Variants in STOX2 observed in about 807,000 individuals in gnomAD.
STOX2 encodes the protein storkhead-box protein 2.
In STOX2, 28 loss-of-function variants were observed where a neutral mutation model predicts 60.9. That is an observed-to-expected ratio of 0.46 (90% confidence interval 0.34 to 0.63). The LOEUF (loss-of-function observed/expected upper bound fraction) is 0.63. STOX2 is among the 30% of genes least tolerant of loss of function. The probability of loss-of-function intolerance (pLI) is 0.01; values close to 1 mark genes in which losing one functional copy is unlikely to be tolerated. For missense variants in STOX2, 1,024 were observed against 1,187.7 expected (o/e 0.86, Z 2.03); for synonymous variants, 472 against 463.9 (o/e 1.02, Z -0.22).
Position 183,906,697 on chromosome 4 carries a change from GCCC to G in STOX2, c.-93_-91del. On this transcript the variant is annotated 5_prime_UTR_variant, in exon 1 of 4. Transcript: ENST00000308497. ...GGCTGGGAAAATGTGCGCAGAGTCC[GCCC>G]GGGTCGTGCCCGCCGTAGACGGATG... The G allele has an allele frequency of 7.5e-7, 1 of 1,335,896 alleles. No individual in the cohort carries two copies. Among genetic ancestry groups the G allele is most frequent in the Admixed American group, 3.0e-5 (1 of 33,526 alleles). The allele number at this position is 1,335,896 out of a possible 1,614,324, so 82.8% of individuals were successfully genotyped here. A position where few individuals can be genotyped will look rare whatever the true frequency, so the allele number is the denominator to read the frequency against.
upstream of STOX2, among the ~76,000 whole-genome samples, chr4:183,905,128 G>A (rs1476309123): frequency 1.3e-5 from 2 of 152,178 alleles, no homozygotes; most frequent in Non-Finnish European, 1.5e-5. Flanking sequence ...TTGAATGAAC[G>A]GCAGTGCAAA....
intron 1 of STOX2, among the ~76,000 whole-genome samples, chr4:183,891,326 A>G (rs1741204719): frequency 2.1e-5 from 1 of 46,952 alleles, no homozygotes; most frequent in Admixed American, 2.2e-4. Flanking sequence ...TGGAATATAT[A>G]TATCTATGAT....
intron 1 of STOX2, among the ~76,000 whole-genome samples, chr4:183,922,731 C>T (rs1296699861): frequency 6.6e-6 from 1 of 152,070 alleles, no homozygotes; most frequent in African/African-American, 2.4e-5. Context: ...CAGGGTGTAT[C>T]CTGGGAACTG....
Position 184,017,163 on chromosome 4 carries a change from C to T in STOX2, c.2660C>T (p.Pro887Leu). The change falls in exon 4 of 4, where the codon CCG becomes CTG. Residue 887 changes from proline to leucine, a missense_variant. By Grantham distance (98) the Pro-to-Leu change is moderately conservative. Around this residue, in one of 3 missense-constraint regions of STOX2, gnomAD observed 922 missense variants for 1,058.3 expected, o/e 0.87. Transcript: ENST00000308497. ...CGTCGTCAGAACCCCGCTTTGAGCC[C>T]GGCCCATGGTGGAGCTGGTCCAGCC... ...SNRRQNPALSPAHGGAGPAFN... is the reference protein window; with the variant it reads ...SNRRQNPALSLAHGGAGPAFN... 2 of 1,613,726 alleles carry T rather than the reference C, an allele frequency of 1.2e-6. No homozygotes were observed. The highest frequency in any genetic ancestry group is 1.7e-6 in the Non-Finnish European group (2 of 1,179,806).
chr4:183,945,680 G>A (rs1742867068), intron 1 of STOX2, among the ~76,000 whole-genome samples: 1 of 152,160 alleles, frequency 6.6e-6, no homozygotes, highest in Admixed American at 6.5e-5. Context: ...AAGGGCTGAG[G>A]AAATCCGTTT....
At chr4:183,988,930 G>A (rs1008054492) in intron 1 of STOX2, among the ~76,000 whole-genome samples, 9 of 152,236 alleles carry the variant, frequency 5.9e-5, no homozygotes, top group South Asian at 2.1e-4. Flanking sequence ...TTGCTGTTCC[G>A]CTCCTCCCGC....
chr4:183,988,516 A>G (rs1732947150), intron 1 of STOX2: 2 of 152,008 alleles, frequency 1.3e-5, no homozygotes, highest in Admixed American at 1.3e-4. Context: ...CTGAACTTGT[A>G]CCAGTATCTC....
chr4:184,011,699 A>AT lies in STOX2; in HGVS notation c.2585+282dup, dbSNP rs1469446176. The AT allele has an allele frequency of 4.8e-6, 6 of 1,249,630 alleles. No homozygotes were observed. Among genetic ancestry groups the AT allele is most frequent in the Non-Finnish European group, 5.2e-6 (5 of 955,576 alleles). 77.4% of individuals were successfully genotyped at this position (1,249,630 alleles called of 1,614,324 possible). ...TCTAACTAAAACCAATATTTCCAGT[A>AT]TTTTTTCTGCTACGTTCATATTGCC... On this transcript the variant is annotated intron_variant, in intron 3 of 3. Coordinates refer to ENST00000308497, the MANE Select transcript of STOX2 (RefSeq NM_020225.3). The surrounding 1 kb of genome is among the most constrained non-coding windows in gnomAD (Gnocchi z 4.4).
At chr4:183,819,005 C>T (rs1015426935) in intron 1 of STOX2, among the ~76,000 whole-genome samples, 5 of 152,042 alleles carry the variant, frequency 3.3e-5, no homozygotes, top group Non-Finnish European at 4.4e-5. Context: ...GGCAGAGACC[C>T]TCCTCACTTC....
intron 1 of STOX2, among the ~76,000 whole-genome samples, chr4:183,828,582 T>C (rs1739489939): frequency 1.3e-5 from 2 of 152,158 alleles, no homozygotes; most frequent in African/African-American, 4.8e-5. Flanking sequence ...AGTAAATGAA[T>C]GCAGTGGGGT....
At chr4:183,852,753 T>C (rs1287367162) in intron 1 of STOX2, among the ~76,000 whole-genome samples, 1 of 152,232 alleles carries the variant, frequency 6.6e-6, no homozygotes, top group African/African-American at 2.4e-5. Flanking sequence ...AATTTAAACC[T>C]ATTTAATAAA....
At chr4:183,899,429 G>A (rs569713276) in intron 1 of STOX2, among the ~76,000 whole-genome samples, 40 of 152,216 alleles carry the variant, frequency 2.6e-4, no homozygotes, top group African/African-American at 5.1e-4. Context: ...TGAATGCCAC[G>A]AAAAGTTGTT....
At chr4:183,845,267 C>T (rs1027483806) in intron 1 of STOX2, among the ~76,000 whole-genome samples, 8 of 152,120 alleles carry the variant, frequency 5.3e-5, no homozygotes, top group African/African-American at 1.9e-4. Context: ...GATGGATGGA[C>T]TGTGCACTTT....
chr4:183,913,703 G>A (rs1334237322), intron 1 of STOX2, among the ~76,000 whole-genome samples: 2 of 152,040 alleles, frequency 1.3e-5, no homozygotes, highest in South Asian at 4.2e-4. Context: ...CCCTGGAGGT[G>A]GAGGTTGCAG....
At chr4:183,845,059 G>T (rs1739955453) in intron 1 of STOX2, among the ~76,000 whole-genome samples, 1 of 152,210 alleles carries the variant, frequency 6.6e-6, no homozygotes, top group Non-Finnish European at 1.5e-5. Flanking sequence ...TCCCAATCAG[G>T]TGACCTTTCC....
intron 1 of STOX2, among the ~76,000 whole-genome samples, chr4:183,968,014 T>C (rs553608286): frequency 2.9e-4 from 44 of 152,304 alleles, no homozygotes; most frequent in African/African-American, 1.0e-3. Flanking sequence ...GTTAATGCTT[T>C]TTATCAAGCA....
chr4:183,877,312 G>A (rs971672861), intron 1 of STOX2, among the ~76,000 whole-genome samples: 3 of 152,152 alleles, frequency 2.0e-5, no homozygotes, highest in Admixed American at 6.5e-5. Flanking sequence ...AGAATCTCGG[G>A]TCCGCACACA....
At chr4:183,932,669 AC>A (rs1260444141) in intron 1 of STOX2, among the ~76,000 whole-genome samples, 1 of 152,122 alleles carries the variant, frequency 6.6e-6, no homozygotes, top group Non-Finnish European at 1.5e-5. Context: ...GCTGTGACTC[AC>A]TTAAGGGCTC....
chr4:183,938,669 CAAAAAA>C (rs10577405), intron 1 of STOX2, among the ~76,000 whole-genome samples: 1 of 82,508 alleles, frequency 1.2e-5, no homozygotes, highest in Non-Finnish European at 2.4e-5. Context: ...ACTCCGTCTC[CAAAAAA>C]AAAAAAAAAA....
Sources: gnomAD v4.1 joint callset for allele counts (sites outside exome capture counted in the v4.1 genomes callset) on GRCh38, gnomAD v4.1.1 for gene constraint, gnomAD v4.1.1 regional missense constraint, Gnocchi (gnomAD v3.1) non-coding constraint, MANE v1.5 for transcripts, NCBI Gene and HGNC (gene_info 2026-07-23, HGNC 2026-07-21) for gene names.